DNAJC15: variants seen among roughly 807,000 people sequenced by gnomAD.
DNAJC15 encodes the protein DnaJ heat shock protein family (Hsp40) member C15.
In DNAJC15, 27 loss-of-function variants were observed where a neutral mutation model predicts 22.4. That is an observed-to-expected ratio of 1.20 (90% confidence interval 0.89 to 1.66). DNAJC15 has a LOEUF of 1.66. Among genes scored for constraint, DNAJC15 ranks in the 40% most tolerant of loss-of-function variants. DNAJC15 has a pLI of 0.00. For synonymous variants in DNAJC15, 79 were observed against 63.2 expected (o/e 1.25, Z -1.19); for missense variants, 208 against 187.1 (o/e 1.11, Z -0.65).
chr13:43,113,314 G>A lies in DNAJC15; in HGVS notation c.*6066G>A, dbSNP rs2040833126. 1 of 152,188 alleles carries A rather than the reference G, an allele frequency of 6.6e-6. No homozygotes were observed. Among genetic ancestry groups the A allele is most frequent in the African/African-American group, 2.4e-5 (1 of 41,450 alleles). The allele number at this position is 152,188 out of a possible 1,614,324, so 9.4% of individuals were successfully genotyped here. A position where few individuals can be genotyped will look rare whatever the true frequency, so the allele number is the denominator to read the frequency against. ...TTGCAGCAATTGAAAGGGAATTTCA[G>A]TACTTTTATAGAATTCTTAAAAATT... On this transcript the variant is annotated 3_prime_UTR_variant, in exon 6 of 6. Coordinates refer to ENST00000379221, the MANE Select transcript of DNAJC15 (RefSeq NM_013238.3).
chr13:43,028,894 A>G (rs967763932), intron 1 of DNAJC15, among the ~76,000 whole-genome samples: 1 of 152,154 alleles, frequency 6.6e-6, no homozygotes, highest in African/African-American at 2.4e-5. Flanking sequence ...ATTATAGTTT[A>G]TTAAGATACA....
chr13:43,036,074 C>T (rs1028102747), intron 1 of DNAJC15, among the ~76,000 whole-genome samples: 7 of 152,002 alleles, frequency 4.6e-5, no homozygotes, highest in African/African-American at 1.7e-4. Flanking sequence ...TTCTAAAAGT[C>T]TGCCTTCTTA....
chr13:43,063,102 C>G (rs2040567040), intron 1 of DNAJC15, among the ~76,000 whole-genome samples: 1 of 151,378 alleles, frequency 6.6e-6, no homozygotes, highest in Non-Finnish European at 1.5e-5. Context: ...CTCCACCTTC[C>G]AGGTTCAAGT....
intron 1 of DNAJC15, among the ~76,000 whole-genome samples, chr13:43,027,613 C>T (rs1175389017): frequency 1.3e-5 from 2 of 152,010 alleles, no homozygotes; most frequent in Non-Finnish European, 2.9e-5. Context: ...TACTTTGAAG[C>T]TTACATTGGT....
At chr13:43,078,881 A>G (rs1159714262) in intron 4 of DNAJC15, 193 bp downstream of exon 4, 4 of 400,064 alleles carry the variant, frequency 1.0e-5, no homozygotes, top group Non-Finnish European at 1.8e-5. Context: ...AACAAAACAA[A>G]ACAAAAAAAC....
chr13:43,064,142 G>C (rs994341520), intron 1 of DNAJC15, among the ~76,000 whole-genome samples: 5 of 152,172 alleles, frequency 3.3e-5, no homozygotes, highest in Non-Finnish European at 7.3e-5. Context: ...TTGTGAAAAG[G>C]TGTGACTTAA....
intron 5 of DNAJC15, among the ~76,000 whole-genome samples, chr13:43,101,167 CAT>C (rs1374329952): frequency 1.2e-4 from 19 of 152,144 alleles, no homozygotes; most frequent in Admixed American, 1.2e-3. Context: ...CTGTAGAGAA[CAT>C]ATAGTTGGCT....
At chr13:43,029,390 A>C (rs1488553621) in intron 1 of DNAJC15, among the ~76,000 whole-genome samples, 2 of 152,068 alleles carry the variant, frequency 1.3e-5, no homozygotes, top group African/African-American at 4.8e-5. Context: ...TTTTTCTTGG[A>C]CTGAAATGTT....
At position 43,108,007 on chromosome 13, in the gene DNAJC15, G is replaced by A. The variant is rs138599487; in HGVS notation, c.*759G>A. 2.0e-5 allele frequency: 3 copies of A among 152,648 alleles called. No individual in the cohort carries two copies. Among genetic ancestry groups the A allele is most frequent in the Admixed American group, 6.5e-5 (1 of 15,290 alleles). 9.5% of individuals were successfully genotyped at this position (152,648 alleles called of 1,614,324 possible). A position where few individuals can be genotyped will look rare whatever the true frequency, so the allele number is the denominator to read the frequency against. On this transcript the variant is annotated 3_prime_UTR_variant, in exon 6 of 6. Transcript: ENST00000379221. ...CCCTTTTGATGTGCAAGGCACTATCGTGCGTCCCCTGAGAGTTGCAAGTAT... is the reference window on the plus strand; with the variant it reads ...CCCTTTTGATGTGCAAGGCACTATCATGCGTCCCCTGAGAGTTGCAAGTAT...
At chr13:43,027,512 A>G (rs2040385861) in intron 1 of DNAJC15, among the ~76,000 whole-genome samples, 1 of 152,228 alleles carries the variant, frequency 6.6e-6, no homozygotes, top group East Asian at 1.9e-4. Context: ...AACCTGTCAA[A>G]CTAATTTTCA....
intron 4 of DNAJC15, among the ~76,000 whole-genome samples, chr13:43,085,093 G>A (rs1316287595): frequency 6.6e-6 from 1 of 152,134 alleles, no homozygotes; most frequent in East Asian, 1.9e-4. Context: ...GCCAGGCGTG[G>A]AGGCTTACAC....
intron 4 of DNAJC15, among the ~76,000 whole-genome samples, chr13:43,085,426 C>T (rs780365999): frequency 7.9e-5 from 12 of 152,098 alleles, no homozygotes; most frequent in Non-Finnish European, 1.8e-4. Flanking sequence ...TCTGCTACAC[C>T]GTATATACCG....
chr13:43,082,684 G>A (rs2040667470), intron 4 of DNAJC15, among the ~76,000 whole-genome samples: 1 of 152,070 alleles, frequency 6.6e-6, no homozygotes, highest in South Asian at 2.1e-4. Context: ...AAACTATGTG[G>A]AACTGATTTT....
chr13:43,058,746 G>A (rs923086412), intron 1 of DNAJC15, among the ~76,000 whole-genome samples: 4 of 152,118 alleles, frequency 2.6e-5, no homozygotes, highest in Non-Finnish European at 4.4e-5. Flanking sequence ...CAACCCTCCC[G>A]AAGGACCCCT....
chr13:43,065,627 ATTTACT>A, intron 1 of DNAJC15, 53 bp from the exon 2 acceptor site: 2 of 1,342,228 alleles, frequency 1.5e-6, no homozygotes, highest in Middle Eastern at 2.1e-4. Context: ...ATTAAAAATG[ATTTACT>A]TTTAAAACCC....
chr13:43,063,693 A>C (rs1314510566), intron 1 of DNAJC15, among the ~76,000 whole-genome samples: 1 of 152,132 alleles, frequency 6.6e-6, no homozygotes, highest in Non-Finnish European at 1.5e-5. Flanking sequence ...AAGCCTGTGT[A>C]TATTTGGATA....
At chr13:43,070,272 G>A (rs1458030135) in intron 3 of DNAJC15, among the ~76,000 whole-genome samples, 1 of 152,124 alleles carries the variant, frequency 6.6e-6, no homozygotes, top group Non-Finnish European at 1.5e-5. Flanking sequence ...TGTGATTAGA[G>A]GGAACATAGG....
At chr13:43,047,333 G>A (rs2040483139) in intron 1 of DNAJC15, among the ~76,000 whole-genome samples, 1 of 152,208 alleles carries the variant, frequency 6.6e-6, no homozygotes, top group South Asian at 2.1e-4. Context: ...ACAGTAGAAA[G>A]ATCTCCTGAG....
intron 1 of DNAJC15, among the ~76,000 whole-genome samples, chr13:43,049,465 G>A (rs2040493125): frequency 6.6e-6 from 1 of 152,180 alleles, no homozygotes; most frequent in South Asian, 2.1e-4. Context: ...AAATAGCATA[G>A]TGATGAAAGC....
Sources: allele counts gnomAD v4.1 joint callset (sites outside exome capture counted in the v4.1 genomes callset), GRCh38; gene constraint gnomAD v4.1.1; transcripts MANE v1.5; gene names NCBI Gene and HGNC (gene_info 2026-07-23, HGNC 2026-07-21).